The following NMNAT3 variants were observed in gnomAD, a reference collection of about 807,000 sequenced individuals.
The protein encoded by NMNAT3 is nicotinamide/nicotinic acid mononucleotide adenylyltransferase 3.
A neutral mutation model predicts 24.8 loss-of-function variants in NMNAT3; 21 were observed. The observed-to-expected ratio is 0.85, with a 90% CI of 0.60 to 1.22. The LOEUF (loss-of-function observed/expected upper bound fraction) is 1.22, where lower values mean the gene tolerates loss of function less well. Among genes scored for constraint, NMNAT3 ranks in the 50% most tolerant of loss-of-function variants. The probability of loss-of-function intolerance (pLI) is 0.00; values close to 1 mark genes in which losing one functional copy is unlikely to be tolerated. For missense variants in NMNAT3, 387 were observed against 436.6 expected (o/e 0.89, Z 1.01); for synonymous variants, 136 against 155.2 (o/e 0.88, Z 0.92).
At chr3:139,617,968 G>T (rs982718767) in intron 3 of NMNAT3, among the ~76,000 whole-genome samples, 10 of 152,136 alleles carry the variant, frequency 6.6e-5, no homozygotes, top group African/African-American at 2.4e-4. Context: ...AGCAAAATAG[G>T]AATAAAAATT....
intron 6 of NMNAT3, among the ~76,000 whole-genome samples, chr3:139,564,977 T>A (rs1346422890): frequency 6.6e-6 from 1 of 152,242 alleles, no homozygotes; most frequent in Non-Finnish European, 1.5e-5. Flanking sequence ...TAGTCTTTTC[T>A]ATTTAGACAT....
intron 3 of NMNAT3, among the ~76,000 whole-genome samples, chr3:139,607,523 A>G (rs1452675893): frequency 1.3e-5 from 2 of 152,116 alleles, no homozygotes; most frequent in Admixed American, 6.5e-5. Context: ...GCTGCTTTCC[A>G]TATTACTGAG....
chr3:139,588,881 A>T (rs2054052890), intron 3 of NMNAT3, among the ~76,000 whole-genome samples: 1 of 152,076 alleles, frequency 6.6e-6, no homozygotes, highest in East Asian at 1.9e-4. Context: ...TGGGGAACAG[A>T]CCTACCTAGG....
intron 3 of NMNAT3, among the ~76,000 whole-genome samples, chr3:139,621,312 A>G (rs1402743628): frequency 6.6e-6 from 1 of 152,136 alleles, no homozygotes; most frequent in Non-Finnish European, 1.5e-5. Context: ...TATTTCATCC[A>G]TATGTCTTCT....
intron 1 of NMNAT3, among the ~76,000 whole-genome samples, chr3:139,649,969 C>T (rs2057002500): frequency 6.6e-6 from 1 of 152,056 alleles, no homozygotes; most frequent in African/African-American, 2.4e-5. Flanking sequence ...GTCTCAAGAC[C>T]CCAAAGCAAA....
At chr3:139,639,057 A>G (rs191666680) in intron 1 of NMNAT3, among the ~76,000 whole-genome samples, 2 of 152,078 alleles carry the variant, frequency 1.3e-5, no homozygotes, top group African/African-American at 4.8e-5. Flanking sequence ...ATTCCTTCCA[A>G]GCTAAGTTGG....
At chr3:139,599,892 A>G (rs1175296404) in intron 3 of NMNAT3, among the ~76,000 whole-genome samples, 1 of 152,182 alleles carries the variant, frequency 6.6e-6, no homozygotes, top group African/African-American at 2.4e-5. Context: ...GGAAGCCAAG[A>G]GCAGGGAGAA....
At chr3:139,614,014 CAT>C (rs2055363281) in intron 3 of NMNAT3, among the ~76,000 whole-genome samples, 1 of 151,938 alleles carries the variant, frequency 6.6e-6, no homozygotes, top group African/African-American at 2.4e-5. Flanking sequence ...GGAGGGATAG[CAT>C]TAGGAGATAT....
At chr3:139,617,519 A>C (rs1278348538) in intron 3 of NMNAT3, among the ~76,000 whole-genome samples, 1 of 152,210 alleles carries the variant, frequency 6.6e-6, no homozygotes, top group Non-Finnish European at 1.5e-5. Context: ...CTGTTATGAA[A>C]ATTAAATGAG....
At chr3:139,581,367 ATCTTT>A (rs1443294761) in intron 4 of NMNAT3, among the ~76,000 whole-genome samples, 2 of 145,560 alleles carry the variant, frequency 1.4e-5, no homozygotes, top group African/African-American at 5.3e-5. Flanking sequence ...ACAGGAGAAC[ATCTTT>A]TTTTTTTTTT....
At chr3:139,614,219 G>A (rs931961466) in intron 3 of NMNAT3, among the ~76,000 whole-genome samples, 3 of 151,066 alleles carry the variant, frequency 2.0e-5, no homozygotes, top group African/African-American at 7.3e-5. Context: ...AGATGTGTAT[G>A]TATACATTTA....
intron 3 of NMNAT3, among the ~76,000 whole-genome samples, chr3:139,615,661 A>G (rs547113058): frequency 6.6e-6 from 1 of 152,316 alleles, no homozygotes; most frequent in South Asian, 2.1e-4. Flanking sequence ...GACTTCCATT[A>G]TCTATAAGAT....
intron 3 of NMNAT3, among the ~76,000 whole-genome samples, chr3:139,596,527 T>C (rs543374640): frequency 6.6e-6 from 1 of 152,276 alleles, no homozygotes; most frequent in East Asian, 1.9e-4. Flanking sequence ...ATTATCTTTT[T>C]ATATAGAGTC....
rs1936283807 is a variant in NMNAT3, at chr3:139,560,850, A to G, written c.*160T>C. ...ACCTTTCCTCTCCTGTAAAGAAGGT[A>G]TCTCTTCCTGGGACAGAAGACTCCT... On this transcript the variant is annotated 3_prime_UTR_variant, in exon 7 of 7. Transcript: ENST00000643695. 13 of 673,978 alleles carry G rather than the reference A, an allele frequency of 1.9e-5. No homozygotes were observed. In the South Asian group the frequency reaches 2.2e-4, roughly 11 times the overall value. 41.7% of individuals were successfully genotyped at this position (673,978 alleles called of 1,614,324 possible). A position where few individuals can be genotyped will look rare whatever the true frequency, so the allele number is the denominator to read the frequency against.
At chr3:139,597,054 T>G (rs945168425) in intron 3 of NMNAT3, among the ~76,000 whole-genome samples, 6 of 150,852 alleles carry the variant, frequency 4.0e-5, no homozygotes, top group African/African-American at 1.5e-4. Context: ...CTGAACTTAT[T>G]AGTTCTAATA....
chr3:139,664,584 C>T (rs530374246), intron 1 of NMNAT3, among the ~76,000 whole-genome samples: 4 of 152,332 alleles, frequency 2.6e-5, no homozygotes, highest in South Asian at 2.1e-4. Flanking sequence ...AGCTGAAAGA[C>T]GGAGAAGGTG....
At chr3:139,617,469 T>C (rs2055560504) in intron 3 of NMNAT3, among the ~76,000 whole-genome samples, 1 of 152,178 alleles carries the variant, frequency 6.6e-6, no homozygotes. Context: ...AGCTTCCTCA[T>C]CTGTAAAATA....
chr3:139,637,912 G>A, intron 2 of NMNAT3, 51 bp downstream of exon 2: 1 of 152,286 alleles, frequency 6.6e-6, no homozygotes, highest in Non-Finnish European at 1.5e-5. Flanking sequence ...TGAGGGCAGG[G>A]ATCCCACTGG....
chr3:139,566,258 A>G (rs1199710773), intron 6 of NMNAT3: 1 of 152,102 alleles, frequency 6.6e-6, no homozygotes, highest in African/African-American at 2.4e-5. Context: ...GATTCTGGAT[A>G]TTAGCCCTTT....
Sources: allele counts gnomAD v4.1 joint callset (sites outside exome capture counted in the v4.1 genomes callset), GRCh38; gene constraint gnomAD v4.1.1; transcripts MANE v1.5; gene names NCBI Gene and HGNC (gene_info 2026-07-23, HGNC 2026-07-21).